Variants in EIF4ENIF1 observed in about 807,000 individuals in gnomAD.
EIF4ENIF1 encodes the protein eukaryotic translation initiation factor 4E transporter.
EIF4ENIF1 carries 23 observed loss-of-function variants against 110.5 expected under a neutral mutation model. The ratio of observed to expected loss-of-function variants is 0.21; its 90% CI spans 0.15 to 0.29. The LOEUF is 0.29. Among genes scored for constraint, EIF4ENIF1 ranks in the 10% least tolerant of loss-of-function variants. The probability of loss-of-function intolerance (pLI) is 1.00; values close to 1 mark genes in which losing one functional copy is unlikely to be tolerated. For synonymous variants in EIF4ENIF1, 440 were observed against 437.0 expected, an observed-to-expected ratio of 1.01 and a Z score of -0.09; for missense variants, 1,031 against 1,221.1, an observed-to-expected ratio of 0.84 and a Z score of 2.32.
At chr22:31,460,945 A>AAAACAAAC (rs200629780) in intron 6 of EIF4ENIF1, among the ~76,000 whole-genome samples, 2 of 152,094 alleles carry the variant, frequency 1.3e-5, no homozygotes, top group African/African-American at 2.4e-5. Context: ...ACTCCATCTC[A>AAAACAAAC]AAACAAACAA....
intron 14 of EIF4ENIF1, 143 bp downstream of exon 14, chr22:31,447,283 A>G (rs1166496450): frequency 1.1e-6 from 1 of 935,350 alleles, no homozygotes; most frequent in African/African-American, 1.7e-5. Context: ...TATTTCTTCT[A>G]TTGATTTGGA....
chr22:31,482,461 C>G (rs1013741526), intron 2 of EIF4ENIF1, among the ~76,000 whole-genome samples: 2 of 152,138 alleles, frequency 1.3e-5, no homozygotes, highest in African/African-American at 2.4e-5. Context: ...GCAGGTGGAT[C>G]ACTTGAGGTC....
At chr22:31,453,539 T>G (rs1431145763) in intron 10 of EIF4ENIF1, 2 of 202,364 alleles carry the variant, frequency 9.9e-6, no homozygotes, top group Admixed American at 5.4e-5. Flanking sequence ...CACGCCTGGC[T>G]AATTTTTATT....
chr22:31,443,855 C>A (rs559876390), intron 15 of EIF4ENIF1, among the ~76,000 whole-genome samples: 8 of 138,222 alleles, frequency 5.8e-5, no homozygotes, highest in African/African-American at 2.1e-4. Flanking sequence ...AGGGCAGTGG[C>A]ACGATCTTGG....
intron 16 of EIF4ENIF1, among the ~76,000 whole-genome samples, 184 bp downstream of exon 16, chr22:31,442,778 T>C (rs530518810): frequency 6.6e-6 from 1 of 152,340 alleles, no homozygotes; most frequent in African/African-American, 2.4e-5. Context: ...ACCAAGCAAT[T>C]GTGAGCTGGC....
rs377766768 is a variant in EIF4ENIF1 at position 31,456,425 on chromosome 22, G to T, written c.964-438C>A. On this transcript the variant is annotated intron_variant, in intron 7 of 18. Transcript: ENST00000330125. ...TTTTTAGTAGAGACGGGGTTTTACC[G>T]TGTTAGCCAGGATGGTCTCGATCTC... Among the ~76,000 whole-genome samples, 8 of 151,748 alleles carry T rather than the reference G, an allele frequency of 5.3e-5. No homozygotes were observed. In the East Asian group the frequency reaches 1.2e-3, roughly 22 times the overall value.
At position 31,464,506 on chromosome 22, in the gene EIF4ENIF1, C is replaced by T. The variant is rs985397026; in HGVS notation, c.299-539G>A. ...CAGCCTGGCCAAGATGGTGAAACCCCGTCTCTACTAAAACTACAAAAATTA... is the reference window on the plus strand; with the variant it reads ...CAGCCTGGCCAAGATGGTGAAACCCTGTCTCTACTAAAACTACAAAAATTA... On this transcript the variant is annotated intron_variant, in intron 4 of 18. Coordinates refer to ENST00000330125, the MANE Select transcript of EIF4ENIF1 (RefSeq NM_019843.4). Among the ~76,000 whole-genome samples the T allele has an allele frequency of 1.2e-4, 18 of 150,196 alleles. No homozygotes were observed. The South Asian group carries it at 2.5e-3, about 21-fold the overall frequency.
chr22:31,450,836 ATAT>A (rs2050634871), intron 10 of EIF4ENIF1: 1 of 168,510 alleles, frequency 5.9e-6, no homozygotes, highest in Non-Finnish European at 1.2e-5. Flanking sequence ...ACACACATAT[ATAT>A]ATACTACACA....
intron 17 of EIF4ENIF1, among the ~76,000 whole-genome samples, chr22:31,441,127 C>T (rs1022525805): frequency 3.9e-5 from 6 of 151,916 alleles, no homozygotes; most frequent in African/African-American, 7.2e-5. Context: ...TAGTGGCAGG[C>T]GCCTGTAATC....
intron 4 of EIF4ENIF1, among the ~76,000 whole-genome samples, chr22:31,464,699 A>AAAAAATATAT (rs1304121964): frequency 1.8e-4 from 7 of 39,132 alleles, no homozygotes; most frequent in South Asian, 8.6e-4. Flanking sequence ...AAAAAAAAAA[A>AAAAAATATAT]ATATATATAT....
In EIF4ENIF1 at chr22:31,468,309, G is replaced by A. The variant is rs779602806; in HGVS notation, c.171-7C>T. 17 of 1,614,104 alleles carry A rather than the reference G, an allele frequency of 1.1e-5. No homozygotes were observed. The highest frequency in any genetic ancestry group is 1.4e-5 in the Non-Finnish European group (17 of 1,180,026). The stretch of plus-strand genomic sequence containing the variant: ...AGGGTCCCAGACACCATCACTACAG[G>A]TCAAAAAATACAACTGTTAGCACTT... On this transcript the variant is annotated splice_polypyrimidine_tract_variant and splice_region_variant and intron_variant, in intron 3 of 18. Coordinates refer to ENST00000330125, the MANE Select transcript of EIF4ENIF1 (RefSeq NM_019843.4).
chr22:31,455,128 A>G lies in EIF4ENIF1; in HGVS notation c.1279+8T>C. Reference sequence around the variant, plus strand: ...AGATATCTAAAACAGATATTCATAAACACTTACAGCTTTCTTTAAGTTTTT... The same window carrying G: ...AGATATCTAAAACAGATATTCATAAGCACTTACAGCTTTCTTTAAGTTTTT... On this transcript the variant is annotated splice_region_variant and intron_variant, in intron 9 of 18. Coordinates refer to ENST00000330125, the MANE Select transcript of EIF4ENIF1 (RefSeq NM_019843.4). 1 of 1,603,706 alleles carries G rather than the reference A, an allele frequency of 6.2e-7. No individual in the cohort carries two copies. Among genetic ancestry groups the G allele is most frequent in the Non-Finnish European group, 8.5e-7 (1 of 1,175,830 alleles).
intron 10 of EIF4ENIF1, chr22:31,450,708 G>T: frequency 3.6e-6 from 1 of 279,694 alleles, no homozygotes; most frequent in Non-Finnish European, 6.7e-6. Flanking sequence ...CCTTTAACAA[G>T]ATTTATTGGA....
chr22:31,450,191 G>C (rs2050602483), intron 11 of EIF4ENIF1, 98 bp downstream of exon 11: 1 of 913,452 alleles, frequency 1.1e-6, no homozygotes, highest in Non-Finnish European at 1.8e-6. Flanking sequence ...AGGCAACACA[G>C]ATCATTTTCT....
At chr22:31,446,792 T>C (rs189471533) in intron 14 of EIF4ENIF1, 1 of 300,560 alleles carries the variant, frequency 3.3e-6, no homozygotes, top group Non-Finnish European at 6.6e-6. Context: ...GTTTTGTCTG[T>C]TTTATTTTAC....
At chr22:31,485,196 A>G (rs2051973626) in intron 2 of EIF4ENIF1, among the ~76,000 whole-genome samples, 1 of 152,188 alleles carries the variant, frequency 6.6e-6, no homozygotes, top group Non-Finnish European at 1.5e-5. Context: ...CCTATTTCCA[A>G]TTAATTTGGT....
At chr22:31,464,046 T>G (rs1207875517) in intron 4 of EIF4ENIF1, 79 bp from the exon 5 acceptor site, 5 of 1,501,390 alleles carry the variant, frequency 3.3e-6, no homozygotes, top group South Asian at 1.3e-5. Flanking sequence ...TGTCCATGAC[T>G]GATGGGAGGA....
intron 7 of EIF4ENIF1, among the ~76,000 whole-genome samples, chr22:31,456,371 C>A (rs1372569968): frequency 6.6e-6 from 1 of 151,454 alleles, no homozygotes; most frequent in Non-Finnish European, 1.5e-5. Context: ...CTACAGGCGC[C>A]TGCCACCACG....
At chr22:31,454,405 T>A in intron 9 of EIF4ENIF1, 29 bp from the exon 10 acceptor site, 1 of 1,586,776 alleles carries the variant, frequency 6.3e-7, no homozygotes, top group African/African-American at 1.3e-5. Flanking sequence ...CCAGGTTAAA[T>A]CAAGCAAAGA....
Sources: gnomAD v4.1 joint callset for allele counts (sites outside exome capture counted in the v4.1 genomes callset) on GRCh38, gnomAD v4.1.1 for gene constraint, MANE v1.5 for transcripts, NCBI Gene and HGNC (gene_info 2026-07-23, HGNC 2026-07-21) for gene names.